KYNU: variants seen among roughly 807,000 people sequenced by gnomAD.
KYNU encodes the protein L-kynurenine hydrolase.
A neutral mutation model predicts 59.2 loss-of-function variants in KYNU; 54 were observed. The ratio of observed to expected loss-of-function variants is 0.91; its 90% CI spans 0.73 to 1.14. The LOEUF is 1.14. KYNU is among the 50% of genes most tolerant of loss of function. The pLI, the probability that KYNU is intolerant of heterozygous loss-of-function variation, is 0.00. For missense variants in KYNU, 567 were observed against 554.4 expected (o/e 1.02, Z -0.23); for synonymous variants, 177 against 192.0 (o/e 0.92, Z 0.65).
intron 2 of KYNU, among the ~76,000 whole-genome samples, chr2:142,918,022 AATC>A (rs1167837360): frequency 6.6e-6 from 1 of 152,242 alleles, no homozygotes; most frequent in Admixed American, 6.5e-5. Context: ...GTAGGATAAA[AATC>A]ATCAAAGTTT....
chr2:143,050,407 G>A lies in KYNU; in HGVS notation c.*8235G>A, dbSNP rs1172459840. 6.6e-6 allele frequency: 1 copy of A among 151,984 alleles called. No individual in the cohort carries two copies. The highest frequency in any genetic ancestry group is 2.4e-5 in the African/African-American group (1 of 41,372). The allele number at this position is 151,984 out of a possible 1,614,324, so 9.4% of individuals were successfully genotyped here. ...GAGAACACGCGATGTTTGGTTTTCTGTTCCTGTGTTAATTTGCTGAGGATG... is the reference window on the plus strand; with the variant it reads ...GAGAACACGCGATGTTTGGTTTTCTATTCCTGTGTTAATTTGCTGAGGATG... On this transcript the variant is annotated 3_prime_UTR_variant, in exon 14 of 14. Coordinates refer to ENST00000264170, the MANE Select transcript of KYNU (RefSeq NM_003937.3).
In KYNU at chr2:142,958,483, C is replaced by G. The variant is rs1295201262; in HGVS notation, c.582+768C>G. On this transcript the variant is annotated intron_variant, in intron 7 of 13. Transcript: ENST00000264170. ...AGGTTTCACATAAGATGCTCCCAGA[C>G]CGCTAGTCATTGTTTGGACAATTAC... Among the ~76,000 whole-genome samples, 8 of 152,300 alleles carry G rather than the reference C, an allele frequency of 5.3e-5. No individual in the cohort carries two copies. The South Asian group carries it at 1.0e-3, about 20-fold the overall frequency.
intron 2 of KYNU, among the ~76,000 whole-genome samples, chr2:142,907,277 T>C (rs1000348762): frequency 1.3e-5 from 2 of 152,080 alleles, no homozygotes; most frequent in Non-Finnish European, 2.9e-5. Flanking sequence ...ACTTGGGCCA[T>C]GTGGTGAGTG....
chr2:142,911,778 G>T (rs1682487316), intron 2 of KYNU, among the ~76,000 whole-genome samples: 1 of 152,074 alleles, frequency 6.6e-6, no homozygotes. Flanking sequence ...TTTACTGAAA[G>T]CTTTTTCTAC....
chr2:142,910,482 G>T (rs941154908), intron 2 of KYNU, among the ~76,000 whole-genome samples: 1 of 151,976 alleles, frequency 6.6e-6, no homozygotes, highest in Non-Finnish European at 1.5e-5. Flanking sequence ...TTAAATATTT[G>T]CAAGGAATAG....
rs78123209 is a variant in KYNU, at chr2:142,988,875, T to C, written c.902+2854T>C. 430 of 1,608,974 alleles carry C rather than the reference T, an allele frequency of 2.7e-4. 1 individual carries two copies. In the East Asian group the frequency reaches 8.5e-3, roughly 32 times the overall value. On this transcript the variant is annotated intron_variant, in intron 10 of 13. Coordinates refer to ENST00000264170, the MANE Select transcript of KYNU (RefSeq NM_003937.3). ...CGGAGTTCTTTAATTAGGAATGGAA[T>C]GCAACAGATTTGGACAAGTCAAGGA... is the stretch of plus-strand genomic sequence containing the variant.
chr2:142,960,622 A>G lies in KYNU; in HGVS notation c.583-2A>G. The G allele has an allele frequency of 6.2e-7, 1 of 1,612,882 alleles. No homozygotes were observed. Among genetic ancestry groups the G allele is most frequent in the East Asian group, 2.2e-5 (1 of 44,838 alleles). On this transcript the variant is annotated splice_acceptor_variant, in intron 7 of 13. Transcript: ENST00000264170. LOFTEE classifies it high-confidence loss of function. ...ACCTAACTTGTGCCTAACTTGATTT[A>G]GGGGGAAGAAACCTTAAGAATAGAG...
rs1004010324 is a variant in KYNU at position 143,007,095 on chromosome 2, G to A, written c.902+21074G>A. Among the ~76,000 whole-genome samples the A allele has an allele frequency of 1.2e-4, 19 of 152,138 alleles. No individual in the cohort carries two copies. In the Middle Eastern group the frequency reaches 0.01, roughly 82 times the overall value. On this transcript the variant is annotated intron_variant, in intron 10 of 13. Transcript: ENST00000264170. ...GAGCTGAGAGAAGAAGGCTTCAGAC[G>A]ATCAAATTACTCTGAGCTATGGGAG... is the stretch of plus-strand genomic sequence containing the variant.
At position 142,948,833 on chromosome 2, in the gene KYNU, A is replaced by G. The variant is rs532768929; in HGVS notation, c.374-5977A>G. Among the ~76,000 whole-genome samples, 5 of 152,284 alleles carry G rather than the reference A, an allele frequency of 3.3e-5. No homozygotes were observed. The East Asian group carries it at 7.7e-4, about 24-fold the overall frequency. Reference sequence around the variant, plus strand: ...GTCATGCCTTTCCAACAGTCCCCCAAAGTCTTAACTCATTCCAGCATTAAC... The same window carrying G: ...GTCATGCCTTTCCAACAGTCCCCCAGAGTCTTAACTCATTCCAGCATTAAC... On this transcript the variant is annotated intron_variant, in intron 4 of 13. Coordinates refer to ENST00000264170, the MANE Select transcript of KYNU (RefSeq NM_003937.3).
At chr2:142,906,906 C>T (rs1411358882) in intron 2 of KYNU, among the ~76,000 whole-genome samples, 1 of 152,162 alleles carries the variant, frequency 6.6e-6, no homozygotes, top group East Asian at 1.9e-4. Context: ...AAGCTGGTTC[C>T]AGGCAGACCA....
chr2:142,969,560 A>T (rs1013074158), intron 8 of KYNU, among the ~76,000 whole-genome samples: 4 of 152,206 alleles, frequency 2.6e-5, no homozygotes, highest in Non-Finnish European at 5.9e-5. Flanking sequence ...GTTTCTAAGA[A>T]GTCTTCATCA....
rs142504188 is a variant in KYNU at position 142,887,422 on chromosome 2, C to T, written c.169+1886C>T. On this transcript the variant is annotated intron_variant, in intron 2 of 13. Coordinates refer to ENST00000264170, the MANE Select transcript of KYNU (RefSeq NM_003937.3). Reference sequence around the variant, plus strand: ...CCTCAAAAACCAAAGAATAGAATTACCACATGATCCAGCAATCTCACTTCA... The same window carrying T: ...CCTCAAAAACCAAAGAATAGAATTATCACATGATCCAGCAATCTCACTTCA... 3.9e-5 allele frequency among the ~76,000 whole-genome samples: 6 copies of T among 152,230 alleles called. No individual in the cohort carries two copies. In the East Asian group the frequency reaches 1.2e-3, roughly 29 times the overall value.
chr2:142,927,783 G>T (rs758837128), intron 4 of KYNU, 42 bp downstream of exon 4: 2 of 1,297,712 alleles, frequency 1.5e-6, no homozygotes, highest in South Asian at 1.2e-5. Flanking sequence ...GAATTGTAAA[G>T]ATGTTATCAT....
chr2:142,971,069 T>G (rs1431782210), intron 8 of KYNU: 2 of 152,182 alleles, frequency 1.3e-5, no homozygotes, highest in African/African-American at 2.4e-5. Flanking sequence ...TGTAGTCATA[T>G]GCCAACAATA....
chr2:143,032,574 T>C (rs1686783382), intron 11 of KYNU, among the ~76,000 whole-genome samples: 1 of 152,252 alleles, frequency 6.6e-6, no homozygotes, highest in Non-Finnish European at 1.5e-5. Flanking sequence ...TGTTAACTTA[T>C]CTCTGACTAG....
intron 2 of KYNU, among the ~76,000 whole-genome samples, chr2:142,897,154 A>G (rs1264956530): frequency 6.6e-6 from 1 of 152,232 alleles, no homozygotes; most frequent in African/African-American, 2.4e-5. Flanking sequence ...TTGACCCAGG[A>G]CAATGGTCTG....
At chr2:142,934,512 G>C (rs1683323119) in intron 4 of KYNU, among the ~76,000 whole-genome samples, 1 of 152,096 alleles carries the variant, frequency 6.6e-6, no homozygotes, top group African/African-American at 2.4e-5. Context: ...TGAAGGAAAA[G>C]GTGTATAGGG....
chr2:142,908,502 T>TA (rs557003773), intron 2 of KYNU, among the ~76,000 whole-genome samples: 321 of 151,638 alleles, frequency 2.1e-3, no homozygotes, highest in African/African-American at 7.5e-3. Flanking sequence ...GGGATTTTTT[T>TA]TAAAAAAAAT....
intron 4 of KYNU, among the ~76,000 whole-genome samples, chr2:142,948,828 C>T (rs1302083249): frequency 6.6e-6 from 1 of 152,178 alleles, no homozygotes; most frequent in African/African-American, 2.4e-5. Flanking sequence ...TCCAACAGTC[C>T]CCCAAAGTCT....
Sources: gnomAD v4.1 joint callset for allele counts (sites outside exome capture counted in the v4.1 genomes callset) on GRCh38, gnomAD v4.1.1 for gene constraint, MANE v1.5 for transcripts, NCBI Gene and HGNC (gene_info 2026-07-23, HGNC 2026-07-21) for gene names.